The following EAF1 variants were observed in gnomAD, a reference collection of about 807,000 sequenced individuals.
EAF1 encodes the protein ELL-associated factor 1.
In EAF1, 19 loss-of-function variants were observed where a neutral mutation model predicts 26.6. The observed-to-expected ratio is 0.71, with a 90% CI of 0.50 to 1.05. The LOEUF is 1.05. EAF1 is among the 50% of genes least tolerant of loss of function. The pLI is 0.00. For missense variants in EAF1, 260 were observed against 335.5 expected, an observed-to-expected ratio of 0.78 and a Z score of 1.76; for synonymous variants, 102 against 120.6, an observed-to-expected ratio of 0.85 and a Z score of 1.01.
At chr3:15,434,261 C>A in intron 3 of EAF1, 87 bp from the exon 4 acceptor site, 1 of 1,482,076 alleles carries the variant, frequency 6.7e-7, no homozygotes, top group Non-Finnish European at 9.2e-7. Flanking sequence ...TGGGGTTCTA[C>A]AGAGACTTCT....
intron 4 of EAF1, among the ~76,000 whole-genome samples, chr3:15,435,554 GGTTA>G (rs986609341): frequency 2.0e-5 from 3 of 152,070 alleles, no homozygotes; most frequent in Admixed American, 6.5e-5. Flanking sequence ...GAGCATGAGT[GGTTA>G]GTTGTTGCCA....
intron 2 of EAF1, 149 bp from the exon 3 acceptor site, chr3:15,431,938 C>T: frequency 4.5e-6 from 4 of 892,198 alleles, no homozygotes; most frequent in Non-Finnish European, 3.2e-6. Flanking sequence ...CCTCGGAAAC[C>T]AGAAGGAGAT....
In EAF1 at chr3:15,429,954, G is replaced by C; in HGVS notation, c.145G>C (p.Glu49Gln). Residue 49 changes from glutamate (E) to glutamine (Q), a missense_variant, in exon 2 of 6, where the codon GAG becomes CAG. Transcript: ENST00000396842. The part of the protein sequence containing the change: ...PASIDTSCEG[E>Q]LQVGKGDEVT... ...ATCTATAGACACTTCCTGTGAAGGA[G>C]AGCTTCAAGTTGGCAAAGGAGATGA... The C allele has an allele frequency of 6.2e-7, 1 of 1,613,252 alleles. No individual in the cohort carries two copies. The highest frequency in any genetic ancestry group is 1.1e-5 in the South Asian group (1 of 90,814).
rs755830257 is a variant in EAF1 at position 15,436,426 on chromosome 3, G to T, written c.611G>T (p.Ser204Ile). The change falls in exon 5 of 6, where the codon AGT (serine) becomes ATT (isoleucine). Residue 204 changes from serine (S) to isoleucine (I), a missense_variant. Coordinates refer to ENST00000396842, the MANE Select transcript of EAF1 (RefSeq NM_033083.7). ...SSSDSESSSG[S>I]DDDSSSSGGE... The stretch of plus-strand genomic sequence containing the variant: ...TCAGACTCTGAGAGCTCTTCGGGAA[G>T]TGATGACGATAGCTCCAGCAGTGGA... 3 of 1,614,058 alleles carry T rather than the reference G, an allele frequency of 1.9e-6. No homozygotes were observed. Among genetic ancestry groups the T allele is most frequent in the Non-Finnish European group, 2.5e-6 (3 of 1,179,918 alleles).
At chr3:15,433,996 C>G in intron 3 of EAF1, among the ~76,000 whole-genome samples, 1 of 152,200 alleles carries the variant, frequency 6.6e-6, no homozygotes, top group East Asian at 1.9e-4. Context: ...TGATGCAGTT[C>G]TCAGGACTTA....
rs185209723 is a variant in EAF1, at chr3:15,437,550, G to C, written c.760+975G>C. Among the ~76,000 whole-genome samples the C allele has an allele frequency of 2.0e-5, 3 of 152,228 alleles. No homozygotes were observed. In the East Asian group the frequency reaches 5.8e-4, roughly 29 times the overall value. Reference sequence around the variant, plus strand: ...AAGTAATTTCCCCAACTGCCGAAGTGCTGTGATTAAAAGCATGAACCACCA... The same window carrying C: ...AAGTAATTTCCCCAACTGCCGAAGTCCTGTGATTAAAAGCATGAACCACCA... On this transcript the variant is annotated intron_variant, in intron 5 of 5. Transcript: ENST00000396842.
chr3:15,429,862 C>T, intron 1 of EAF1, 51 bp from the exon 2 acceptor site: 1 of 1,165,240 alleles, frequency 8.6e-7, no homozygotes, highest in Non-Finnish European at 1.3e-6. Flanking sequence ...CCCAGGAAAC[C>T]CTTATTATAA....
At chr3:15,433,787 C>T (rs1458567928) in intron 3 of EAF1, among the ~76,000 whole-genome samples, 2 of 152,190 alleles carry the variant, frequency 1.3e-5, no homozygotes, top group African/African-American at 4.8e-5. Flanking sequence ...ACATATATGA[C>T]AGTGGTCCCT....
intron 5 of EAF1, chr3:15,438,696 T>C (rs1170497840): frequency 8.2e-5 from 13 of 157,808 alleles, no homozygotes; most frequent in Non-Finnish European, 1.5e-4. Flanking sequence ...GGCTGATTTT[T>C]ATATTTTTAG....
rs2061871779 is a variant in EAF1 at position 15,441,731 on chromosome 3, A to G, written c.*2576A>G. On this transcript the variant is annotated 3_prime_UTR_variant, in exon 6 of 6. Transcript: ENST00000396842. ...GTCATTCTCATCTCCTCCCTGGGGTATCCACAGGAATGGACATTCAAATGG... is the reference window on the plus strand; with the variant it reads ...GTCATTCTCATCTCCTCCCTGGGGTGTCCACAGGAATGGACATTCAAATGG... The G allele has an allele frequency of 6.6e-6, 1 of 152,568 alleles. No individual in the cohort carries two copies. 9.5% of individuals were successfully genotyped at this position (152,568 alleles called of 1,614,324 possible).
intron 5 of EAF1, among the ~76,000 whole-genome samples, chr3:15,437,121 C>G (rs1575453179): frequency 6.6e-6 from 1 of 152,166 alleles, no homozygotes; most frequent in African/African-American, 2.4e-5. Flanking sequence ...GTCTCCAACT[C>G]CTGGCCTCAA....
chr3:15,429,360 C>T lies in EAF1; in HGVS notation c.104-553C>T, dbSNP rs111532011. ...ATTAAAAAAAAAAAAAAACAAAAAACAGCTATGGAACTTGAGTATGGCAAA... is the reference window on the plus strand; with the variant it reads ...ATTAAAAAAAAAAAAAAACAAAAAATAGCTATGGAACTTGAGTATGGCAAA... On this transcript the variant is annotated intron_variant, in intron 1 of 5. Transcript: ENST00000396842. 5.5e-3 allele frequency among the ~76,000 whole-genome samples: 840 copies of T among 151,688 alleles called. 7 individuals are homozygous for T. The highest frequency in any genetic ancestry group is 0.018 in the African/African-American group (754 of 41,336).
At chr3:15,438,064 G>T (rs1250644247) in intron 5 of EAF1, among the ~76,000 whole-genome samples, 1 of 152,170 alleles carries the variant, frequency 6.6e-6, no homozygotes, top group Non-Finnish European at 1.5e-5. Flanking sequence ...TAGAAAAGGG[G>T]TGACCTCAGG....
intron 4 of EAF1, 110 bp downstream of exon 4, chr3:15,434,648 C>G: frequency 7.6e-7 from 1 of 1,317,782 alleles, no homozygotes; most frequent in Non-Finnish European, 1.0e-6. Flanking sequence ...CATTCAATGC[C>G]ATCAAAAAAA....
At position 15,442,102 on chromosome 3, in the gene EAF1, C is replaced by G. The variant is rs1393442380; in HGVS notation, c.*2947C>G. The G allele has an allele frequency of 2.6e-5, 4 of 152,404 alleles. No individual in the cohort carries two copies. Among genetic ancestry groups the G allele is most frequent in the Non-Finnish European group, 5.9e-5 (4 of 68,006 alleles). The allele number at this position is 152,404 out of a possible 1,614,324, so 9.4% of individuals were successfully genotyped here. Reference sequence around the variant, plus strand: ...AACGATTTTATTTCTGTAGCAGAATCATTTTTTCTATGTAAGGTGTTAATG... The same window carrying G: ...AACGATTTTATTTCTGTAGCAGAATGATTTTTTCTATGTAAGGTGTTAATG... On this transcript the variant is annotated 3_prime_UTR_variant, in exon 6 of 6. Transcript: ENST00000396842.
At position 15,441,013 on chromosome 3, in the gene EAF1, T is replaced by C. The variant is rs1352380457; in HGVS notation, c.*1858T>C. On this transcript the variant is annotated 3_prime_UTR_variant, in exon 6 of 6. Coordinates refer to ENST00000396842, the MANE Select transcript of EAF1 (RefSeq NM_033083.7). ...TCTCTCTTTCTCTCCTCCCCAACTT[T>C]TTTCTGAAAGCCTTGATTTCTGTAG... is the stretch of plus-strand genomic sequence containing the variant. The C allele has an allele frequency of 1.3e-5, 2 of 152,654 alleles. No individual in the cohort carries two copies. Among genetic ancestry groups the C allele is most frequent in the East Asian group, 1.9e-4 (1 of 5,192 alleles). The allele number at this position is 152,654 out of a possible 1,614,324, so 9.5% of individuals were successfully genotyped here.
At chr3:15,438,963 T>G in intron 5 of EAF1, 146 bp from the exon 6 acceptor site, 3 of 722,164 alleles carry the variant, frequency 4.2e-6, no homozygotes, top group African/African-American at 1.8e-5. Flanking sequence ...GTGAGCCAAT[T>G]TGATTTTCTT....
At position 15,427,863 on chromosome 3, in the gene EAF1, C is replaced by T. The variant is rs2061763638; in HGVS notation, c.84C>T (p.Ala28=). Residue 28 remains alanine (A), a synonymous_variant, in exon 1 of 6, where the codon GCC becomes GCT. Transcript: ENST00000396842. The stretch of plus-strand genomic sequence containing the variant: ...AGAGCTTCGAGAAGCGGCCGCGGGC[C>T]TCCTTCCACACTATTCGTTGTAAGT... ...LGESFEKRPR[A]SFHTIRYDFK... 1 of 1,550,420 alleles carries T rather than the reference C, an allele frequency of 6.4e-7. No individual in the cohort carries two copies. Among genetic ancestry groups the T allele is most frequent in the Non-Finnish European group, 8.7e-7 (1 of 1,146,458 alleles).
Position 15,441,272 on chromosome 3 carries a change from CTT to C in EAF1, c.*2120_*2121del, listed in dbSNP as rs1334588438. On this transcript the variant is annotated 3_prime_UTR_variant, in exon 6 of 6. Transcript: ENST00000396842. The stretch of plus-strand genomic sequence containing the variant: ...AGCTTTACCCACCAGAGTAAGCAAT[CTT>C]TTCTTTTTAGAAATCAAGAATTTGG... 2.0e-5 allele frequency: 3 copies of C among 153,708 alleles called. No individual in the cohort carries two copies. Among genetic ancestry groups the C allele is most frequent in the Non-Finnish European group, 4.4e-5 (3 of 68,054 alleles). The allele number at this position is 153,708 out of a possible 1,614,324, so 9.5% of individuals were successfully genotyped here. A position where few individuals can be genotyped will look rare whatever the true frequency, so the allele number is the denominator to read the frequency against.
Sources: allele counts gnomAD v4.1 joint callset (sites outside exome capture counted in the v4.1 genomes callset), GRCh38; gene constraint gnomAD v4.1.1; transcripts MANE v1.5; gene names NCBI Gene and HGNC (gene_info 2026-07-23, HGNC 2026-07-21).